TRPM2: variants seen among roughly 807,000 people sequenced by gnomAD.
The protein encoded by TRPM2 is transient receptor potential cation channel subfamily M member 2.
TRPM2 carries 161 observed loss-of-function variants against 174.0 expected under a neutral mutation model. That is an observed-to-expected ratio of 0.93 (90% confidence interval 0.81 to 1.05). TRPM2 has a LOEUF of 1.05. Among genes scored for constraint, TRPM2 ranks in the 50% least tolerant of loss-of-function variants. TRPM2 has a pLI of 0.00. For missense variants in TRPM2, 2,057 were observed against 2,038.0 expected, an observed-to-expected ratio of 1.01 and a Z score of -0.18; for synonymous variants, 954 against 861.3, an observed-to-expected ratio of 1.11 and a Z score of -1.88.
Position 44,366,986 on chromosome 21 carries a change from G to A in TRPM2, c.604+52G>A, listed in dbSNP as rs779044217. The A allele has an allele frequency of 2.1e-5, 32 of 1,527,402 alleles. No homozygotes were observed. The highest frequency in any genetic ancestry group is 2.8e-5 in the Non-Finnish European group (32 of 1,135,802). The allele number at this position is 1,527,402 out of a possible 1,614,324, so 94.6% of individuals were successfully genotyped here. A position where few individuals can be genotyped will look rare whatever the true frequency, so the allele number is the denominator to read the frequency against. ...GGCCCCGGCGGGTGGGGTGGGCTGT[G>A]GAGGCAGTGCTGGGGCAATCAGGGC... is the stretch of plus-strand genomic sequence containing the variant. On this transcript the variant is annotated intron_variant, in intron 4 of 31. Transcript: ENST00000397928. This position sits in a 1 kb window ranked among gnomAD's most constrained non-coding sequence, Gnocchi z 6.0.
chr21:44,401,074 G>T (rs532046542), intron 15 of TRPM2, among the ~76,000 whole-genome samples: 1 of 152,276 alleles, frequency 6.6e-6, no homozygotes, highest in South Asian at 2.1e-4. Context: ...GAATCCTGGT[G>T]GGAAACTGAG....
chr21:44,427,452 G>A (rs373737828), intron 27 of TRPM2, among the ~76,000 whole-genome samples: 40 of 152,338 alleles, frequency 2.6e-4, no homozygotes, highest in African/African-American at 8.2e-4. Flanking sequence ...GAGGGGACAC[G>A]GAGATGGGCA....
At chr21:44,395,218 A>G (rs1413738466) in intron 11 of TRPM2, among the ~76,000 whole-genome samples, 196 bp from the exon 12 acceptor site, 1 of 152,238 alleles carries the variant, frequency 6.6e-6, no homozygotes, top group Non-Finnish European at 1.5e-5. Context: ...ATGTCTCCAG[A>G]ACAGTGTTTT....
At chr21:44,395,298 C>T (rs938728480) in intron 11 of TRPM2, 116 bp from the exon 12 acceptor site, 2 of 1,287,892 alleles carry the variant, frequency 1.6e-6, no homozygotes, top group African/African-American at 1.5e-5. Flanking sequence ...TCTCCAGGGA[C>T]AGTGAGATCC....
chr21:44,370,062 G>C (rs140530243), intron 5 of TRPM2, among the ~76,000 whole-genome samples: 4,092 of 150,544 alleles, frequency 0.027, 230 homozygotes, highest in African/African-American at 0.097. Context: ...TGCAACTCCC[G>C]GCCCACCCCT....
intron 29 of TRPM2, 115 bp downstream of exon 29, chr21:44,437,282 T>G: frequency 1.0e-6 from 1 of 1,002,836 alleles, no homozygotes; most frequent in Non-Finnish European, 1.5e-6. Context: ...CTGCAGCCCC[T>G]GGGCAGGGAG....
intron 22 of TRPM2, 126 bp downstream of exon 22, chr21:44,418,681 G>A (rs1049904721): frequency 5.7e-6 from 7 of 1,237,446 alleles, no homozygotes; most frequent in Non-Finnish European, 8.1e-6. Context: ...AGGGAGCGCT[G>A]TATCCCGTGG....
In TRPM2 at chr21:44,366,039, G is replaced by A. The variant is rs1035763332; in HGVS notation, c.424-715G>A. On this transcript the variant is annotated intron_variant, in intron 3 of 31. Transcript: ENST00000397928. The surrounding 1 kb of genome is among the most constrained non-coding windows in gnomAD (Gnocchi z 6.0). ...GTGTCTCTGCTAGGCCAATCCCGGC[G>A]GAGATTGCAGACCCCGCTGGGTCTC... Among the ~76,000 whole-genome samples, 4 of 152,204 alleles carry A rather than the reference G, an allele frequency of 2.6e-5. No homozygotes were observed. Among genetic ancestry groups the A allele is most frequent in the African/African-American group, 4.8e-5 (2 of 41,444 alleles).
intron 5 of TRPM2, 96 bp from the exon 6 acceptor site, chr21:44,375,737 G>C: frequency 7.3e-7 from 1 of 1,368,066 alleles, no homozygotes; most frequent in South Asian, 1.4e-5. Context: ...TCCAGGGACT[G>C]GGACCTGGTC....
intron 19 of TRPM2, among the ~76,000 whole-genome samples, chr21:44,409,750 G>T (rs891005032): frequency 6.7e-6 from 1 of 150,228 alleles, no homozygotes; most frequent in East Asian, 2.0e-4. Context: ...CACTGTCTTG[G>T]TGTAGCCTTG....
At position 44,405,830 on chromosome 21, in the gene TRPM2, G is replaced by A. The variant is rs1368085392; in HGVS notation, c.2658-75G>A. 6 of 1,547,424 alleles carry A rather than the reference G, an allele frequency of 3.9e-6. No homozygotes were observed. The East Asian group carries it at 1.1e-4, about 29-fold the overall frequency. On this transcript the variant is annotated intron_variant, in intron 17 of 31. Transcript: ENST00000397928. ...GCCCACCTGGGCTAGGACAGGTGGAGGGGCGACGGGGGACAGCTCTGGGGG... is the reference window on the plus strand; with the variant it reads ...GCCCACCTGGGCTAGGACAGGTGGAAGGGCGACGGGGGACAGCTCTGGGGG...
chr21:44,414,637 C>T (rs2050218248), intron 20 of TRPM2: 1 of 152,862 alleles, frequency 6.5e-6, no homozygotes, highest in South Asian at 2.0e-4. Flanking sequence ...CACAAGGAGA[C>T]AGGGGCGCAG....
rs781078134 is a variant in TRPM2 at position 44,441,659 on chromosome 21, CG to C, written c.4387-29del. ...CTCAGCTGGGCAGAGGCAGGGCTGG[CG>C]GGGAGGGTCAGCTGTGCCCTTGTTC... On this transcript the variant is annotated intron_variant, in intron 31 of 31. Coordinates refer to ENST00000397928, the MANE Select transcript of TRPM2 (RefSeq NM_003307.4). 5.7e-6 allele frequency: 9 copies of C among 1,584,200 alleles called. No homozygotes were observed. In the Admixed American group the frequency reaches 1.5e-4, roughly 27 times the overall value.
intron 27 of TRPM2, 114 bp downstream of exon 27, chr21:44,427,225 C>T (rs1306063043): frequency 4.6e-6 from 4 of 878,742 alleles, no homozygotes; most frequent in Non-Finnish European, 6.8e-6. Context: ...TCAAAAAAAG[C>T]ACGTGAGCCA....
intron 15 of TRPM2, 24 bp downstream of exon 15, chr21:44,400,395 G>A (rs759613687): frequency 1.3e-5 from 20 of 1,592,862 alleles, no homozygotes; most frequent in Non-Finnish European, 1.5e-5. Context: ...GCGGGGCTGC[G>A]GGACTGTGGG....
chr21:44,385,447 A>C (rs1054651648), intron 9 of TRPM2, among the ~76,000 whole-genome samples: 12 of 152,240 alleles, frequency 7.9e-5, no homozygotes, highest in Non-Finnish European at 1.2e-4. Flanking sequence ...GAAAAATAAG[A>C]ACAAATGAAA....
At chr21:44,407,346 C>T (rs895516703) in intron 19 of TRPM2, among the ~76,000 whole-genome samples, 14 of 148,238 alleles carry the variant, frequency 9.4e-5, no homozygotes, top group South Asian at 6.5e-4. Flanking sequence ...AGGCTAGTAT[C>T]GAACTCTTGA....
chr21:44,350,447 G>T (rs1321832945), upstream of TRPM2: 9 of 151,004 alleles, frequency 6.0e-5, no homozygotes, highest in African/African-American at 2.2e-4. Flanking sequence ...CGGTGCTGCT[G>T]CAGGGCGCGG....
At chr21:44,418,292 C>A in intron 21 of TRPM2, 131 bp from the exon 22 acceptor site, 1 of 1,399,898 alleles carries the variant, frequency 7.1e-7, no homozygotes, top group South Asian at 1.4e-5. Context: ...CCCTTGGGGG[C>A]AGGTGTGCGA....
Sources: allele counts gnomAD v4.1 joint callset (sites outside exome capture counted in the v4.1 genomes callset), GRCh38; gene constraint gnomAD v4.1.1; non-coding constraint Gnocchi (gnomAD v3.1); transcripts MANE v1.5; gene names NCBI Gene and HGNC (gene_info 2026-07-23, HGNC 2026-07-21).